MAML3: variants seen among roughly 807,000 people sequenced by gnomAD.
MAML3 encodes the protein mastermind-like protein 3.
Under a neutral mutation model 101.9 loss-of-function variants are expected in MAML3, and 27 were observed. The observed-to-expected ratio is 0.27, with a 90% CI of 0.20 to 0.37. MAML3 has a LOEUF of 0.37. MAML3 is among the 10% of genes least tolerant of loss of function. The pLI, the probability that MAML3 is intolerant of heterozygous loss-of-function variation, is 1.00. For synonymous variants in MAML3, 501 were observed against 555.9 expected (o/e 0.90, Z 1.39); for missense variants, 1,316 against 1,444.9 (o/e 0.91, Z 1.45).
chr4:140,044,930 A>G (rs888695876), intron 1 of MAML3, among the ~76,000 whole-genome samples: 1 of 152,188 alleles, frequency 6.6e-6, no homozygotes, highest in Non-Finnish European at 1.5e-5. Flanking sequence ...AGATATTTAC[A>G]TATCTCCTTA....
intron 1 of MAML3, among the ~76,000 whole-genome samples, chr4:140,145,673 C>T (rs915952619): frequency 1.3e-5 from 2 of 152,068 alleles, no homozygotes; most frequent in African/African-American, 4.8e-5. Flanking sequence ...TCAAGCAATT[C>T]TCCTGCCTCA....
At chr4:139,747,314 C>A (rs1225827295) in intron 2 of MAML3, among the ~76,000 whole-genome samples, 3 of 152,180 alleles carry the variant, frequency 2.0e-5, no homozygotes, top group African/African-American at 7.2e-5. Flanking sequence ...CTTTCCCCCA[C>A]CTTTTAGACA....
intron 1 of MAML3, among the ~76,000 whole-genome samples, chr4:139,908,006 A>C (rs976793326): frequency 6.6e-6 from 1 of 152,166 alleles, no homozygotes; most frequent in Non-Finnish European, 1.5e-5. Context: ...TGGTGGACCT[A>C]TTGTAAGCTT....
chr4:139,965,614 G>A (rs947727633), intron 1 of MAML3, among the ~76,000 whole-genome samples: 1 of 152,168 alleles, frequency 6.6e-6, no homozygotes, highest in African/African-American at 2.4e-5. Flanking sequence ...TAACAATGGT[G>A]TGTTTTATGC....
Position 139,730,276 on chromosome 4 carries a change from TTC to T in MAML3, c.2331+138_2331+139del, listed in dbSNP as rs1728646508. 3 of 743,900 alleles carry T rather than the reference TTC, an allele frequency of 4.0e-6. No homozygotes were observed. In the South Asian group the frequency reaches 5.2e-5, roughly 13 times the overall value. 46.1% of individuals were successfully genotyped at this position (743,900 alleles called of 1,614,324 possible). Reference sequence around the variant, plus strand: ...AATTGAAAGGTCTAAATTCTTCAGGTTCTCTTGTGATCCTGGGAAATGCTAGA... The same window carrying T: ...AATTGAAAGGTCTAAATTCTTCAGGTTCTTGTGATCCTGGGAAATGCTAGA... On this transcript the variant is annotated intron_variant, in intron 3 of 4. Coordinates refer to ENST00000509479, the MANE Select transcript of MAML3 (RefSeq NM_018717.5).
rs1731096640 is a variant in MAML3, at chr4:139,828,170, AC to A, written c.2079+61186del. ...AAACCCATTAACATTTAGAAAAAAAACAATTATAACATGGCTTAGGATGGAG... is the reference window on the plus strand; with the variant it reads ...AAACCCATTAACATTTAGAAAAAAAAAATTATAACATGGCTTAGGATGGAG... On this transcript the variant is annotated intron_variant, in intron 2 of 4. Transcript: ENST00000509479. 2.6e-5 allele frequency among the ~76,000 whole-genome samples: 4 copies of A among 152,354 alleles called. No individual in the cohort carries two copies. The South Asian group carries it at 8.3e-4, about 32-fold the overall frequency.
intron 1 of MAML3, among the ~76,000 whole-genome samples, chr4:139,966,606 AC>A (rs1178415295): frequency 3.9e-5 from 6 of 152,202 alleles, no homozygotes; most frequent in African/African-American, 1.4e-4. Context: ...TTACTATCTT[AC>A]GTGTTTCTGA....
At chr4:139,997,684 T>C (rs1734844067) in intron 1 of MAML3, among the ~76,000 whole-genome samples, 1 of 152,150 alleles carries the variant, frequency 6.6e-6, no homozygotes, top group Non-Finnish European at 1.5e-5. Context: ...GAGTCATCTT[T>C]TTAGCTTTAA....
At chr4:140,122,260 C>G (rs1560900403) in intron 1 of MAML3, among the ~76,000 whole-genome samples, 1 of 136,156 alleles carries the variant, frequency 7.3e-6, no homozygotes, top group Non-Finnish European at 1.6e-5. Flanking sequence ...TCGCTTTTGT[C>G]CCCCAGGCTG....
intron 1 of MAML3, among the ~76,000 whole-genome samples, chr4:139,925,811 T>C (rs751469410): frequency 6.6e-6 from 1 of 152,148 alleles, no homozygotes; most frequent in Non-Finnish European, 1.5e-5. Context: ...TTATAAAAAG[T>C]ATGTTGACTG....
intron 1 of MAML3, among the ~76,000 whole-genome samples, chr4:140,068,829 C>T (rs563764015): frequency 2.9e-4 from 44 of 152,262 alleles, no homozygotes; most frequent in African/African-American, 7.7e-4. Flanking sequence ...TCTTAGGCCA[C>T]TCTCTAGTAC....
intron 1 of MAML3, among the ~76,000 whole-genome samples, chr4:139,981,409 G>A (rs1419903893): frequency 6.6e-6 from 1 of 152,158 alleles, no homozygotes; most frequent in Non-Finnish European, 1.5e-5. Flanking sequence ...GCAGGGGTTG[G>A]GAACAGTTCA....
chr4:140,052,695 C>T (rs768578599), intron 1 of MAML3, among the ~76,000 whole-genome samples: 15 of 151,904 alleles, frequency 9.9e-5, no homozygotes, highest in Non-Finnish European at 1.9e-4. Context: ...CCACCATACC[C>T]GGCTAATTTT....
intron 2 of MAML3, among the ~76,000 whole-genome samples, chr4:139,736,837 C>T (rs146813756): frequency 1.6e-3 from 246 of 152,218 alleles, no homozygotes; most frequent in African/African-American, 5.6e-3. Context: ...AATCCTGTGC[C>T]CTGATTAGAT....
At chr4:140,069,320 CAAGAAG>C (rs1163891466) in intron 1 of MAML3, among the ~76,000 whole-genome samples, 12 of 138,310 alleles carry the variant, frequency 8.7e-5, no homozygotes, top group Admixed American at 5.4e-4. Context: ...AGACTCTGTC[CAAGAAG>C]AAGGAGAAGG....
chr4:139,801,139 G>A (rs535182636), intron 2 of MAML3, among the ~76,000 whole-genome samples: 2 of 152,322 alleles, frequency 1.3e-5, no homozygotes, highest in African/African-American at 4.8e-5. Context: ...AATGGCAAAA[G>A]CCACTTTTAG....
intron 2 of MAML3, among the ~76,000 whole-genome samples, chr4:139,829,208 A>G (rs1222089041): frequency 6.0e-5 from 9 of 149,834 alleles, no homozygotes; most frequent in Non-Finnish European, 8.9e-5. Context: ...AGGAGGGAGG[A>G]AGGAAGGATG....
intron 1 of MAML3, among the ~76,000 whole-genome samples, chr4:140,074,332 T>C (rs181598585): frequency 6.6e-6 from 1 of 152,276 alleles, no homozygotes; most frequent in East Asian, 1.9e-4. Context: ...TCCTTCCTTG[T>C]ACCTACCAGC....
chr4:140,105,774 T>A (rs1728340532), intron 1 of MAML3, among the ~76,000 whole-genome samples: 1 of 152,106 alleles, frequency 6.6e-6, no homozygotes, highest in South Asian at 2.1e-4. Flanking sequence ...CCATCACACA[T>A]CAATCAAGTG....
Sources: allele counts gnomAD v4.1 joint callset (sites outside exome capture counted in the v4.1 genomes callset), GRCh38; gene constraint gnomAD v4.1.1; transcripts MANE v1.5; gene names NCBI Gene and HGNC (gene_info 2026-07-23, HGNC 2026-07-21).